DRC3: variants seen among roughly 807,000 people sequenced by gnomAD.
DRC3 encodes dynein regulatory complex subunit 3.
A neutral mutation model predicts 57.6 loss-of-function variants in DRC3; 45 were observed. That is an observed-to-expected ratio of 0.78 (90% CI 0.62 to 1.00). DRC3 has a LOEUF of 1.00. DRC3 is among the 50% of genes least tolerant of loss of function. DRC3 has a pLI of 0.00. For missense variants in DRC3, 655 were observed against 675.2 expected (o/e 0.97, Z 0.33); for synonymous variants, 257 against 272.3 (o/e 0.94, Z 0.55).
chr17:18,002,513 A>C (rs1481199100), intron 9 of DRC3, among the ~76,000 whole-genome samples: 1 of 152,232 alleles, frequency 6.6e-6, no homozygotes, highest in Admixed American at 6.5e-5. Context: ...CAAAGGGCTC[A>C]GCATCTATTT....
intron 2 of DRC3, among the ~76,000 whole-genome samples, chr17:17,976,466 G>C (rs985622655): frequency 6.6e-6 from 1 of 152,218 alleles, no homozygotes; most frequent in Non-Finnish European, 1.5e-5. Flanking sequence ...GATCACCTGA[G>C]GTCAGGAGTT....
rs1319878117 is a variant in DRC3 at position 18,016,167 on chromosome 17, A to C, written c.1430A>C (p.Asn477Thr). 4 of 1,613,782 alleles carry C rather than the reference A, an allele frequency of 2.5e-6. No individual in the cohort carries two copies. The African/African-American group carries it at 4.0e-5, about 16-fold the overall frequency. ...NREDELVTRINSWCTRLIDRI... is the reference protein window; with the variant it reads ...NREDELVTRITSWCTRLIDRI... Reference sequence around the variant, plus strand: ...GAAGATGAGCTGGTGACCAGAATCAACTCTTGGTGTACACGTTTAATAGAC... The same window carrying C: ...GAAGATGAGCTGGTGACCAGAATCACCTCTTGGTGTACACGTTTAATAGAC... Residue 477 changes from asparagine to threonine, a missense_variant, in exon 13 of 14, where the codon AAC becomes ACC. Asn to Thr is a moderately conservative substitution (Grantham distance 65). Coordinates refer to ENST00000399187, the MANE Select transcript of DRC3 (RefSeq NM_031294.4).
At chr17:18,001,081 CTTTTTCTTTCTTTTTTTT>C (rs962845009) in intron 9 of DRC3, among the ~76,000 whole-genome samples, 1 of 150,574 alleles carries the variant, frequency 6.6e-6, no homozygotes, top group African/African-American at 2.4e-5. Context: ...TTCTTTTTTT[CTTTTTCTTTCTTTTTTTT>C]TTTTAGCTAG....
intron 12 of DRC3, among the ~76,000 whole-genome samples, chr17:18,014,621 G>A (rs1413143203): frequency 6.6e-6 from 1 of 152,128 alleles, no homozygotes; most frequent in African/African-American, 2.4e-5. Flanking sequence ...CACAGCTTTT[G>A]AAGCTGTTTT....
intron 2 of DRC3, among the ~76,000 whole-genome samples, chr17:17,974,645 A>G (rs1399148586): frequency 6.6e-6 from 1 of 152,156 alleles, no homozygotes; most frequent in Non-Finnish European, 1.5e-5. Flanking sequence ...AAGTGCAACA[A>G]GTCTGTTCTC....
intron 8 of DRC3, among the ~76,000 whole-genome samples, chr17:17,995,406 C>T (rs1288311638): frequency 6.6e-6 from 1 of 152,222 alleles, no homozygotes; most frequent in East Asian, 1.9e-4. Context: ...GAAATGTGTT[C>T]TCATTAGCCA....
At chr17:18,007,289 C>T (rs1202494711) in intron 12 of DRC3, 142 bp downstream of exon 12, 77 of 1,170,406 alleles carry the variant, frequency 6.6e-5, no homozygotes, top group Non-Finnish European at 2.5e-6. Flanking sequence ...ACCTGCTTTA[C>T]AGGGTTGCTG....
At position 17,983,825 on chromosome 17, in the gene DRC3, C is replaced by G; in HGVS notation, c.161-3C>G. The G allele has an allele frequency of 6.2e-7, 1 of 1,605,694 alleles. No homozygotes were observed. Among genetic ancestry groups the G allele is most frequent in the East Asian group, 2.2e-5 (1 of 44,816 alleles). On this transcript the variant is annotated splice_polypyrimidine_tract_variant and splice_region_variant and intron_variant, in intron 3 of 13. Coordinates refer to ENST00000399187, the MANE Select transcript of DRC3 (RefSeq NM_031294.4). ...AGACTGAAATCACCTTCCATTATTT[C>G]AGACATCCTCCGCATAGACAACCTC... is the stretch of plus-strand genomic sequence containing the variant.
intron 9 of DRC3, among the ~76,000 whole-genome samples, chr17:18,001,359 C>G (rs2043723753): frequency 6.6e-6 from 1 of 151,900 alleles, no homozygotes; most frequent in Non-Finnish European, 1.5e-5. Context: ...CAAAAGTTAG[C>G]CAGGGTGGTG....
chr17:17,973,695 A>G (rs2042246147), intron 1 of DRC3, 157 bp from the exon 2 acceptor site: 1 of 152,102 alleles, frequency 6.6e-6, no homozygotes, highest in African/African-American at 2.4e-5. Context: ...GCTGGTCTTG[A>G]ACTCCTGAAC....
At chr17:17,980,844 C>T (rs997462911) in intron 3 of DRC3, among the ~76,000 whole-genome samples, 6 of 152,176 alleles carry the variant, frequency 3.9e-5, no homozygotes, top group Admixed American at 3.3e-4. Context: ...CTGCCCACCT[C>T]GGCCTCCCAA....
intron 12 of DRC3, chr17:18,007,899 A>G: frequency 1.0e-6 from 1 of 985,096 alleles, no homozygotes; most frequent in Non-Finnish European, 1.2e-6. Context: ...CTTGGCCTGG[A>G]CTGCTTGCCT....
intron 3 of DRC3, among the ~76,000 whole-genome samples, chr17:17,980,276 ATTG>A (rs888514000): frequency 4.8e-5 from 7 of 144,958 alleles, no homozygotes; most frequent in Middle Eastern, 3.5e-3. Flanking sequence ...GTTTTGTTTT[ATTG>A]TTGTTGTTTT....
In DRC3 at chr17:18,011,248, C is replaced by T. The variant is rs576637483; in HGVS notation, c.1326+4101C>T. The T allele has an allele frequency of 5.9e-4, 156 of 263,260 alleles. 3 individuals carry two copies. The highest frequency in any genetic ancestry group is 4.9e-3 in the South Asian group (141 of 28,868). The allele number at this position is 263,260 out of a possible 1,614,324, so 16.3% of individuals were successfully genotyped here. The stretch of plus-strand genomic sequence containing the variant: ...CTGGGATTACAGGCGTGAGCCGCCA[C>T]GCCAGGCCTAGGATGAGGTTTTAAA... On this transcript the variant is annotated intron_variant, in intron 12 of 13. Coordinates refer to ENST00000399187, the MANE Select transcript of DRC3 (RefSeq NM_031294.4).
At chr17:18,007,254 T>C in intron 12 of DRC3, 107 bp downstream of exon 12, 1 of 842,494 alleles carries the variant, frequency 1.2e-6, no homozygotes, top group Non-Finnish European at 1.8e-6. Context: ...AGCCTCAGTG[T>C]TCTCATCTGC....
chr17:18,007,697 C>T (rs2044031262), intron 12 of DRC3: 14 of 1,306,104 alleles, frequency 1.1e-5, no homozygotes, highest in Middle Eastern at 2.9e-4. Flanking sequence ...CGCTGGGTCC[C>T]GCGGCAGCAT....
At chr17:18,014,182 C>T (rs1303910198) in intron 12 of DRC3, among the ~76,000 whole-genome samples, 2 of 152,220 alleles carry the variant, frequency 1.3e-5, no homozygotes, top group Admixed American at 6.5e-5. Flanking sequence ...CCGCCTTGGC[C>T]TCCCAAAGTG....
intron 12 of DRC3, chr17:18,015,500 T>TCA (rs2044326081): frequency 6.5e-6 from 1 of 152,846 alleles, no homozygotes; most frequent in Admixed American, 6.5e-5. Context: ...TCTAACAACT[T>TCA]TTTACAAGAC....
intron 9 of DRC3, among the ~76,000 whole-genome samples, chr17:17,997,905 G>A (rs1159190005): frequency 7.9e-5 from 12 of 152,108 alleles, no homozygotes; most frequent in Admixed American, 7.2e-4. Flanking sequence ...ATTCAAGGTC[G>A]GCCCTACCCC....
Sources: gnomAD v4.1 joint callset for allele counts (sites outside exome capture counted in the v4.1 genomes callset) on GRCh38, gnomAD v4.1.1 for gene constraint, MANE v1.5 for transcripts, NCBI Gene and HGNC (gene_info 2026-07-23, HGNC 2026-07-21) for gene names.